Variants in USP31 observed in about 807,000 individuals in gnomAD.
USP31 encodes the protein ubiquitin carboxyl-terminal hydrolase 31.
A neutral mutation model predicts 119.4 loss-of-function variants in USP31; 44 were observed. That is an observed-to-expected ratio of 0.37 (90% CI 0.29 to 0.47). The LOEUF (loss-of-function observed/expected upper bound fraction) is 0.47. USP31 is among the 20% of genes least tolerant of loss of function. The pLI, the probability that USP31 is intolerant of heterozygous loss-of-function variation, is 0.99. For missense variants in USP31, 1,643 were observed against 1,730.2 expected, an observed-to-expected ratio of 0.95 and a Z score of 0.89; for synonymous variants, 749 against 705.6, an observed-to-expected ratio of 1.06 and a Z score of -0.97.
In USP31 at chr16:23,067,789, G is replaced by A. The variant is rs114028930; in HGVS notation, c.*257C>T. On this transcript the variant is annotated 3_prime_UTR_variant, in exon 16 of 16. Coordinates refer to ENST00000219689, the MANE Select transcript of USP31 (RefSeq NM_020718.4). ...TGCTAAAGGGACCGTCCTGGGTATCGTCTACAATTATTCCAGTTAGCTTGG... is the reference window on the plus strand; with the variant it reads ...TGCTAAAGGGACCGTCCTGGGTATCATCTACAATTATTCCAGTTAGCTTGG... 9 of 396,258 alleles carry A rather than the reference G, an allele frequency of 2.3e-5. 1 individual carries two copies. Among genetic ancestry groups the A allele is most frequent in the East Asian group, 9.1e-5 (2 of 21,872 alleles). The allele number at this position is 396,258 out of a possible 1,614,324, so 24.5% of individuals were successfully genotyped here. A position where few individuals can be genotyped will look rare whatever the true frequency, so the allele number is the denominator to read the frequency against.
chr16:23,131,991 T>G (rs185515868), intron 1 of USP31, among the ~76,000 whole-genome samples: 13 of 152,322 alleles, frequency 8.5e-5, no homozygotes, highest in Admixed American at 7.2e-4. Context: ...ACTGTTTATT[T>G]GTGGACACAC....
At position 23,071,913 on chromosome 16, in the gene USP31, C is replaced by T; in HGVS notation, c.2488+132G>A. 3 of 1,235,948 alleles carry T rather than the reference C, an allele frequency of 2.4e-6. No individual in the cohort carries two copies. In the Admixed American group the frequency reaches 6.8e-5, roughly 28 times the overall value. The allele number at this position is 1,235,948 out of a possible 1,614,324, so 76.6% of individuals were successfully genotyped here. On this transcript the variant is annotated intron_variant, in intron 15 of 15. Transcript: ENST00000219689. The stretch of plus-strand genomic sequence containing the variant: ...AGGATCATAACTCACAGCTACACAG[C>T]TCCACTCCCTGTAGCTCCCTTTGGG...
At chr16:23,123,737 T>C (rs1035347969) in intron 1 of USP31, among the ~76,000 whole-genome samples, 6 of 152,166 alleles carry the variant, frequency 3.9e-5, no homozygotes, top group African/African-American at 7.2e-5. Flanking sequence ...TGGTGTCTCA[T>C]GCCTGTAATC....
chr16:23,111,724 C>T (rs1204164358), intron 1 of USP31, among the ~76,000 whole-genome samples: 1 of 151,666 alleles, frequency 6.6e-6, no homozygotes, highest in Admixed American at 6.6e-5. Context: ...GTGGGAGGCT[C>T]AAAGAAGCCC....
chr16:23,092,008 C>T (rs959655708), intron 6 of USP31, among the ~76,000 whole-genome samples: 6 of 152,138 alleles, frequency 3.9e-5, no homozygotes, highest in Non-Finnish European at 5.9e-5. Flanking sequence ...GGACTCCTGA[C>T]GAGATAAGGG....
At chr16:23,110,997 G>A (rs1167222241) in intron 1 of USP31, among the ~76,000 whole-genome samples, 5 of 152,186 alleles carry the variant, frequency 3.3e-5, no homozygotes, top group African/African-American at 1.2e-4. Flanking sequence ...GCGTGGTGGT[G>A]GGCGCCTGTA....
intron 6 of USP31, among the ~76,000 whole-genome samples, chr16:23,095,851 A>C (rs1213086074): frequency 6.6e-6 from 1 of 152,244 alleles, no homozygotes; most frequent in Non-Finnish European, 1.5e-5. Flanking sequence ...AGGAAGCACT[A>C]AACATGGAAA....
At chr16:23,070,891 G>A (rs1055618176) in intron 15 of USP31, among the ~76,000 whole-genome samples, 1 of 152,154 alleles carries the variant, frequency 6.6e-6, no homozygotes, top group African/African-American at 2.4e-5. Context: ...GCACCACCCA[G>A]CACCATTATA....
chr16:23,090,596 A>G, intron 7 of USP31, 28 bp downstream of exon 7: 1 of 1,579,276 alleles, frequency 6.3e-7, no homozygotes, highest in South Asian at 1.1e-5. Flanking sequence ...CAGTCTAGGT[A>G]CTTACTGGAA....
At chr16:23,108,300 CAGA>C (rs1902191450) in intron 1 of USP31, 117 bp from the exon 2 acceptor site, 3 of 1,383,516 alleles carry the variant, frequency 2.2e-6, no homozygotes, top group Admixed American at 2.8e-5. Context: ...GAATACTTCC[CAGA>C]AGGAGTGCAA....
chr16:23,102,776 G>A (rs1434588937), intron 5 of USP31, among the ~76,000 whole-genome samples: 1 of 152,058 alleles, frequency 6.6e-6, no homozygotes, highest in African/African-American at 2.4e-5. Flanking sequence ...ATTTTTTCTT[G>A]TCATTATTCC....
chr16:23,091,193 G>C (rs538162781), intron 6 of USP31, among the ~76,000 whole-genome samples: 2 of 152,118 alleles, frequency 1.3e-5, no homozygotes, highest in Non-Finnish European at 2.9e-5. Flanking sequence ...TTCAATAGCA[G>C]TTTCTTCTCC....
chr16:23,078,363 G>C (rs1488259216), intron 13 of USP31, among the ~76,000 whole-genome samples: 1 of 148,768 alleles, frequency 6.7e-6, no homozygotes. Context: ...TCCACATCAA[G>C]CTACTTCTGT....
chr16:23,117,356 G>A (rs1439761898), intron 1 of USP31, among the ~76,000 whole-genome samples: 1 of 152,176 alleles, frequency 6.6e-6, no homozygotes. Flanking sequence ...ACAAAGAGCT[G>A]GTGGCAAGGA....
chr16:23,079,680 A>T (rs1432279387), intron 13 of USP31: 1 of 341,168 alleles, frequency 2.9e-6, no homozygotes, highest in East Asian at 4.7e-5. Context: ...AACAAAGAGC[A>T]AATCCTCAGT....
At chr16:23,082,390 G>A (rs756648884) in intron 12 of USP31, 48 bp downstream of exon 12, 6 of 1,608,666 alleles carry the variant, frequency 3.7e-6, no homozygotes, top group Non-Finnish European at 5.1e-6. Flanking sequence ...GGGGGCATAA[G>A]AAACTTGTCA....
At chr16:23,071,923 T>C (rs764814629) in intron 15 of USP31, 122 bp downstream of exon 15, 67 of 1,351,946 alleles carry the variant, frequency 5.0e-5, no homozygotes, top group Non-Finnish European at 5.3e-5. Context: ...CTCCACTCCC[T>C]GTAGCTCCCT....
chr16:23,149,410 C>CAGCG lies in USP31; in HGVS notation c.-144_-141dup, dbSNP rs1415173933. The CAGCG allele has an allele frequency of 1.3e-5, 13 of 964,014 alleles. No homozygotes were observed. In the Admixed American group the frequency reaches 3.1e-4, roughly 23 times the overall value. 59.7% of individuals were successfully genotyped at this position (964,014 alleles called of 1,614,324 possible). A position where few individuals can be genotyped will look rare whatever the true frequency, so the allele number is the denominator to read the frequency against. On this transcript the variant is annotated 5_prime_UTR_variant, in exon 1 of 16. Transcript: ENST00000219689. Reference sequence around the variant, plus strand: ...CACACACCTCAAAGCGCAGCCGAGCCAGCGAGCGAGCGGCGGCCGGCGGGG... The same window carrying CAGCG: ...CACACACCTCAAAGCGCAGCCGAGCCAGCGAGCGAGCGAGCGGCGGCCGGCGGGG...
rs549440126 is a variant in USP31, at chr16:23,063,116, G to A, written c.*4930C>T. The A allele has an allele frequency of 6.6e-6, 1 of 152,144 alleles. No homozygotes were observed. Among genetic ancestry groups the A allele is most frequent in the Admixed American group, 6.5e-5 (1 of 15,276 alleles). 9.4% of individuals were successfully genotyped at this position (152,144 alleles called of 1,614,324 possible). A position where few individuals can be genotyped will look rare whatever the true frequency, so the allele number is the denominator to read the frequency against. Reference sequence around the variant, plus strand: ...TTCCCCAGCTGATTCTAGTTAATGTGGGTCTTCACTATCTCAGACAAGTCA... The same window carrying A: ...TTCCCCAGCTGATTCTAGTTAATGTAGGTCTTCACTATCTCAGACAAGTCA... On this transcript the variant is annotated 3_prime_UTR_variant, in exon 16 of 16. Coordinates refer to ENST00000219689, the MANE Select transcript of USP31 (RefSeq NM_020718.4).
Sources: allele counts gnomAD v4.1 joint callset (sites outside exome capture counted in the v4.1 genomes callset), GRCh38; gene constraint gnomAD v4.1.1; transcripts MANE v1.5; gene names NCBI Gene and HGNC (gene_info 2026-07-23, HGNC 2026-07-21).